The following SMIM13 variants were observed in gnomAD, a reference collection of about 807,000 sequenced individuals.
The protein encoded by SMIM13 is UPF0766 protein C6orf228.
In SMIM13, 3 loss-of-function variants were observed where a neutral mutation model predicts 5.9. The ratio of observed to expected loss-of-function variants is 0.51; its 90% CI spans 0.23 to 1.31. The LOEUF (loss-of-function observed/expected upper bound fraction) is 1.31. SMIM13 is among the 40% of genes most tolerant of loss of function. The pLI, the probability that SMIM13 is intolerant of heterozygous loss-of-function variation, is 0.18. For missense variants in SMIM13, 85 were observed against 109.9 expected, an observed-to-expected ratio of 0.77 and a Z score of 1.01; for synonymous variants, 55 against 46.0, an observed-to-expected ratio of 1.19 and a Z score of -0.79.
rs1319337598 is a variant in SMIM13 at position 11,137,819 on chromosome 6, A to T, written c.*3217A>T. The T allele has an allele frequency of 6.6e-6, 1 of 152,176 alleles. No individual in the cohort carries two copies. Among genetic ancestry groups the T allele is most frequent in the Non-Finnish European group, 1.5e-5 (1 of 68,022 alleles). 9.4% of individuals were successfully genotyped at this position (152,176 alleles called of 1,614,324 possible). Reference sequence around the variant, plus strand: ...TCAAAATGAATATAAAATTCACTTGATGGATTTTGTAGTGATGTTTTCACA... The same window carrying T: ...TCAAAATGAATATAAAATTCACTTGTTGGATTTTGTAGTGATGTTTTCACA... On this transcript the variant is annotated 3_prime_UTR_variant, in exon 2 of 2. Transcript: ENST00000416247.
chr6:11,102,809 G>A (rs1238586800), intron 1 of SMIM13: 1 of 152,222 alleles, frequency 6.6e-6, no homozygotes, highest in East Asian at 1.9e-4. Context: ...GCCCCCCGGA[G>A]GAGAGGAGGG....
chr6:11,123,929 G>A (rs1294707671), intron 1 of SMIM13, among the ~76,000 whole-genome samples: 3 of 151,932 alleles, frequency 2.0e-5, no homozygotes, highest in East Asian at 1.9e-4. Flanking sequence ...ATTTTGATAC[G>A]GGCATGCAAT....
At chr6:11,127,226 G>T (rs73721649) in intron 1 of SMIM13, among the ~76,000 whole-genome samples, 2,632 of 152,256 alleles carry the variant, frequency 0.017, 68 homozygotes, top group African/African-American at 0.06. Context: ...ATTAGGGTGG[G>T]GTGAGTTCTC....
chr6:11,114,014 C>T (rs7760737), intron 1 of SMIM13, among the ~76,000 whole-genome samples: 1 of 147,058 alleles, frequency 6.8e-6, no homozygotes, highest in African/African-American at 2.6e-5. Context: ...GAATCTCACT[C>T]TGTCGCCCAG....
At chr6:11,121,329 A>G (rs1758306366) in intron 1 of SMIM13, among the ~76,000 whole-genome samples, 1 of 152,158 alleles carries the variant, frequency 6.6e-6, no homozygotes, top group Admixed American at 6.5e-5. Context: ...GAAGTTTCTG[A>G]TATGTGCACT....
intron 1 of SMIM13, among the ~76,000 whole-genome samples, chr6:11,117,187 G>A (rs1241658698): frequency 7.7e-6 from 1 of 129,036 alleles, no homozygotes; most frequent in Non-Finnish European, 1.7e-5. Flanking sequence ...TTTTTGAGAC[G>A]GAGTCTCGCT....
At chr6:11,104,146 C>T in intron 1 of SMIM13, 1 of 1,550,056 alleles carries the variant, frequency 6.5e-7, no homozygotes. Context: ...ATGTTGTTGG[C>T]TATTTCCTTT....
At chr6:11,121,563 C>G (rs994874008) in intron 1 of SMIM13, among the ~76,000 whole-genome samples, 1 of 152,072 alleles carries the variant, frequency 6.6e-6, no homozygotes, top group East Asian at 1.9e-4. Flanking sequence ...ATACAGGTGC[C>G]TCTCCCCCTC....
chr6:11,104,093 G>A (rs371883559), intron 1 of SMIM13: 43 of 1,551,594 alleles, frequency 2.8e-5, no homozygotes, highest in African/African-American at 5.5e-5. Flanking sequence ...CTAAAGAGTC[G>A]ATTTGTTCTT....
chr6:11,131,592 G>A (rs963947701), intron 1 of SMIM13, among the ~76,000 whole-genome samples: 1 of 152,120 alleles, frequency 6.6e-6, no homozygotes, highest in African/African-American at 2.4e-5. Flanking sequence ...ACAGGTTAAT[G>A]GGATGGAATT....
chr6:11,104,910 C>T lies in SMIM13; in HGVS notation c.76+10521C>T, dbSNP rs370411526. 3.1e-6 allele frequency: 5 copies of T among 1,614,114 alleles called. No homozygotes were observed. The East Asian group carries it at 1.1e-4, about 36-fold the overall frequency. ...ACTTGGAAGAGTGCCTACATTTGTT[C>T]CATTTTTCCTTTTGGCCATAACACA... is the stretch of plus-strand genomic sequence containing the variant. On this transcript the variant is annotated intron_variant, in intron 1 of 1. Transcript: ENST00000416247.
chr6:11,103,808 T>C (rs992549844), intron 1 of SMIM13: 1 of 1,551,538 alleles, frequency 6.4e-7, no homozygotes, highest in Non-Finnish European at 8.7e-7. Flanking sequence ...TTAGGAGACA[T>C]GGACCAAAAA....
At chr6:11,130,683 C>A (rs540484638) in intron 1 of SMIM13, among the ~76,000 whole-genome samples, 1 of 152,182 alleles carries the variant, frequency 6.6e-6, no homozygotes, top group South Asian at 2.1e-4. Context: ...TTTTTGATTC[C>A]TCTTACTAAA....
At chr6:11,096,608 G>T (rs9468414) in intron 1 of SMIM13, among the ~76,000 whole-genome samples, 1 of 152,028 alleles carries the variant, frequency 6.6e-6, no homozygotes, top group Non-Finnish European at 1.5e-5. Context: ...ATTGGAGTGC[G>T]ATATTAGTTT....
At chr6:11,127,743 C>T (rs1758396204) in intron 1 of SMIM13, among the ~76,000 whole-genome samples, 1 of 152,218 alleles carries the variant, frequency 6.6e-6, no homozygotes, top group Admixed American at 6.5e-5. Context: ...TCAATTATCT[C>T]CCACTGGGTC....
chr6:11,118,807 G>A (rs938545964), intron 1 of SMIM13, among the ~76,000 whole-genome samples: 8 of 152,198 alleles, frequency 5.3e-5, no homozygotes, highest in Non-Finnish European at 8.8e-5. Flanking sequence ...TATGTTTTAG[G>A]CATTCACTTT....
chr6:11,099,087 T>C (rs377153029), intron 1 of SMIM13, among the ~76,000 whole-genome samples: 1 of 152,192 alleles, frequency 6.6e-6, no homozygotes, highest in African/African-American at 2.4e-5. Context: ...TCCTATCCAG[T>C]CCTAGAGATT....
intron 1 of SMIM13, among the ~76,000 whole-genome samples, chr6:11,121,978 C>T (rs1758316108): frequency 6.6e-6 from 1 of 152,316 alleles, no homozygotes; most frequent in African/African-American, 2.4e-5. Context: ...CAAGTGGAGT[C>T]TTCTCAGGTT....
At chr6:11,132,531 T>C (rs1758463799) in intron 1 of SMIM13, among the ~76,000 whole-genome samples, 1 of 152,214 alleles carries the variant, frequency 6.6e-6, no homozygotes, top group Non-Finnish European at 1.5e-5. Context: ...TAAATGTCTA[T>C]CAATTGATGA....
Sources: allele counts gnomAD v4.1 joint callset (sites outside exome capture counted in the v4.1 genomes callset), GRCh38; gene constraint gnomAD v4.1.1; transcripts MANE v1.5; gene names NCBI Gene and HGNC (gene_info 2026-07-23, HGNC 2026-07-21).